Variants in PRDM16 observed in about 807,000 individuals in gnomAD.
PRDM16 encodes the protein PR/SET domain 16, also known as histone-lysine N-methyltransferase PRDM16.
A neutral mutation model predicts 110.6 loss-of-function variants in PRDM16; 23 were observed. The ratio of observed to expected loss-of-function variants is 0.21; its 90% CI spans 0.15 to 0.29. The LOEUF (loss-of-function observed/expected upper bound fraction) is 0.29. Among genes scored for constraint, PRDM16 ranks in the 10% least tolerant of loss-of-function variants. PRDM16 has a pLI of 1.00. For synonymous variants in PRDM16, 799 were observed against 781.8 expected (o/e 1.02, Z -0.37); for missense variants, 1,615 against 1,794.3 (o/e 0.90, Z 1.81).
intron 4 of PRDM16, among the ~76,000 whole-genome samples, chr1:3,394,051 C>T (rs776319453): frequency 6.6e-6 from 1 of 152,102 alleles, no homozygotes. Flanking sequence ...GAGGGTCCCC[C>T]GGCAAGTCTG....
chr1:3,321,744 G>C (rs529378359), intron 3 of PRDM16, among the ~76,000 whole-genome samples: 1 of 150,956 alleles, frequency 6.6e-6, no homozygotes, highest in Non-Finnish European at 1.5e-5. Flanking sequence ...CATGTGTGCG[G>C]TGTGCACAAT....
chr1:3,163,772 C>T (rs1028443480), intron 1 of PRDM16, among the ~76,000 whole-genome samples: 5 of 152,192 alleles, frequency 3.3e-5, no homozygotes, highest in Admixed American at 6.5e-5. Flanking sequence ...TATTCTACCC[C>T]GTGCGTGTTC....
rs1319634711 is a variant in PRDM16, at chr1:3,437,610, A to G, written c.*3799A>G. On this transcript the variant is annotated 3_prime_UTR_variant, in exon 17 of 17. Transcript: ENST00000270722. ...TCAGCCGGGTATCAAAAGCCATGAA[A>G]CTGTGTCTCTGTAGCAATGAGTGAT... is the stretch of plus-strand genomic sequence containing the variant. 2.2e-5 allele frequency: 5 copies of G among 228,664 alleles called. No individual in the cohort carries two copies. In the East Asian group the frequency reaches 3.1e-4, roughly 14 times the overall value. 14.2% of individuals were successfully genotyped at this position (228,664 alleles called of 1,614,324 possible).
intron 1 of PRDM16, among the ~76,000 whole-genome samples, chr1:3,118,067 ATGTG>A (rs541637203): frequency 4.7e-5 from 7 of 148,990 alleles, no homozygotes; most frequent in Non-Finnish European, 1.0e-4. Flanking sequence ...GTGTACATGC[ATGTG>A]TGTGTGCGTG....
In PRDM16 at chr1:3,190,433, C is replaced by T. The variant is rs1042721269; in HGVS notation, c.387+3959C>T. ...AGGCTGACGCTTTTGGGAGGGCCGCCCCCTCCTCTCTCCCTCCTGTGTGTT... is the reference window on the plus strand; with the variant it reads ...AGGCTGACGCTTTTGGGAGGGCCGCTCCCTCCTCTCTCCCTCCTGTGTGTT... On this transcript the variant is annotated intron_variant, in intron 2 of 16. Transcript: ENST00000270722. This position sits in a 1 kb window ranked among gnomAD's most constrained non-coding sequence, Gnocchi z 5.0. 3.3e-5 allele frequency among the ~76,000 whole-genome samples: 5 copies of T among 152,180 alleles called. No homozygotes were observed. Among genetic ancestry groups the T allele is most frequent in the African/African-American group, 1.2e-4 (5 of 41,430 alleles).
intron 3 of PRDM16, among the ~76,000 whole-genome samples, chr1:3,278,205 TG>T (rs1640634138): frequency 6.6e-6 from 1 of 152,182 alleles, no homozygotes; most frequent in Non-Finnish European, 1.5e-5. Flanking sequence ...CCACCCTGCC[TG>T]GGGCAGAGAA....
intron 1 of PRDM16, among the ~76,000 whole-genome samples, chr1:3,071,200 A>G (rs532511939): frequency 6.6e-6 from 1 of 152,368 alleles, no homozygotes; most frequent in South Asian, 2.1e-4. Context: ...TGCAAGCGAG[A>G]GGCGGACTCG....
chr1:3,368,864 A>G (rs1642862576), intron 3 of PRDM16, among the ~76,000 whole-genome samples: 1 of 152,220 alleles, frequency 6.6e-6, no homozygotes, highest in East Asian at 1.9e-4. Context: ...CCACAAAGAA[A>G]GATCAGGATT....
chr1:3,212,631 C>T lies in PRDM16; in HGVS notation c.387+26157C>T, dbSNP rs1350525815. On this transcript the variant is annotated intron_variant, in intron 2 of 16. Coordinates refer to ENST00000270722, the MANE Select transcript of PRDM16 (RefSeq NM_022114.4). ...GCCCCCTCGCTGAGGTCCTCCCGCT[C>T]ATCCTCCCGGCCCCCTCGCTGCGGT... 4.7e-5 allele frequency among the ~76,000 whole-genome samples: 7 copies of T among 148,822 alleles called. No individual in the cohort carries two copies. In the South Asian group the frequency reaches 1.5e-3, roughly 32 times the overall value.
At chr1:3,211,801 A>G (rs1638889828) in intron 2 of PRDM16, among the ~76,000 whole-genome samples, 1 of 152,220 alleles carries the variant, frequency 6.6e-6, no homozygotes, top group South Asian at 2.1e-4. Flanking sequence ...GAGCGTGTCC[A>G]TGCGTGTGCA....
intron 1 of PRDM16, among the ~76,000 whole-genome samples, chr1:3,113,860 A>G (rs992288991): frequency 6.6e-6 from 1 of 152,250 alleles, no homozygotes; most frequent in Non-Finnish European, 1.5e-5. Flanking sequence ...CTCTGGGCTC[A>G]GAAGCTCTGG....
intron 3 of PRDM16, among the ~76,000 whole-genome samples, chr1:3,283,366 G>T (rs1343820449): frequency 6.6e-6 from 1 of 152,102 alleles, no homozygotes; most frequent in South Asian, 2.1e-4. Flanking sequence ...ATTCTCCAAT[G>T]CCCCTCCCTC....
intron 3 of PRDM16, among the ~76,000 whole-genome samples, chr1:3,332,290 CTTAA>C (rs1385185543): frequency 6.6e-6 from 1 of 152,260 alleles, no homozygotes; most frequent in Non-Finnish European, 1.5e-5. Context: ...TCCAATTACT[CTTAA>C]TTGTTTCTCA....
intron 3 of PRDM16, among the ~76,000 whole-genome samples, chr1:3,364,871 T>C (rs1306366708): frequency 2.0e-5 from 3 of 152,202 alleles, no homozygotes; most frequent in Admixed American, 2.0e-4. Context: ...CTGTGGTTTC[T>C]GGGTGCTGCT....
intron 14 of PRDM16, among the ~76,000 whole-genome samples, 200 bp from the exon 15 acceptor site, chr1:3,430,672 G>A (rs909768833): frequency 2.0e-5 from 3 of 152,200 alleles, no homozygotes; most frequent in African/African-American, 4.8e-5. Context: ...CTCCTCTCCC[G>A]GGATCGCCCC....
In PRDM16 at chr1:3,243,945, T is replaced by C. The variant is rs954017749; in HGVS notation, c.388-142T>C. The C allele has an allele frequency of 3.9e-6, 3 of 772,052 alleles. No individual in the cohort carries two copies. Among genetic ancestry groups the C allele is most frequent in the East Asian group, 5.1e-5 (2 of 39,540 alleles). 47.8% of individuals were successfully genotyped at this position (772,052 alleles called of 1,614,324 possible). A position where few individuals can be genotyped will look rare whatever the true frequency, so the allele number is the denominator to read the frequency against. On this transcript the variant is annotated intron_variant, in intron 2 of 16. Transcript: ENST00000270722. The surrounding 1 kb of genome is among the most constrained non-coding windows in gnomAD (Gnocchi z 5.5). Reference sequence around the variant, plus strand: ...GGGATACCTGTGATCAATGGAACCCTTCATTTCCTGCTGTGGAGAAGCCAC... The same window carrying C: ...GGGATACCTGTGATCAATGGAACCCCTCATTTCCTGCTGTGGAGAAGCCAC...
At chr1:3,194,150 A>G (rs1638393369) in intron 2 of PRDM16, among the ~76,000 whole-genome samples, 1 of 152,208 alleles carries the variant, frequency 6.6e-6, no homozygotes, top group Admixed American at 6.5e-5. Context: ...CTGAGGAACA[A>G]GGGCTCCCAA....
chr1:3,200,438 G>A (rs1043902943), intron 2 of PRDM16, among the ~76,000 whole-genome samples: 17 of 152,336 alleles, frequency 1.1e-4, no homozygotes, highest in African/African-American at 3.8e-4. Flanking sequence ...CGCCTCCCGG[G>A]TTCACGCCAT....
At chr1:3,393,620 C>T (rs1181299396) in intron 4 of PRDM16, among the ~76,000 whole-genome samples, 1 of 152,166 alleles carries the variant, frequency 6.6e-6, no homozygotes, top group Non-Finnish European at 1.5e-5. Context: ...CCGGCCCGGT[C>T]TTTGTCCCGG....
Sources: gnomAD v4.1 joint callset for allele counts (sites outside exome capture counted in the v4.1 genomes callset) on GRCh38, gnomAD v4.1.1 for gene constraint, Gnocchi (gnomAD v3.1) non-coding constraint, MANE v1.5 for transcripts, NCBI Gene and HGNC (gene_info 2026-07-23, HGNC 2026-07-21) for gene names.